Variants in EYS observed in about 807,000 individuals in gnomAD.
The protein encoded by EYS is EGF-like photoreceptor maintenance factor.
In EYS, 250 loss-of-function variants were observed where a neutral mutation model predicts 282.1. The observed-to-expected ratio is 0.89, with a 90% CI of 0.80 to 0.98. The LOEUF is 0.98. Among genes scored for constraint, EYS ranks in the 50% least tolerant of loss-of-function variants. EYS has a pLI of 0.00. For synonymous variants in EYS, 1,355 were observed against 1,282.9 expected (o/e 1.06, Z -1.20); for missense variants, 4,016 against 3,709.0 (o/e 1.08, Z -2.15).
intron 1 of EYS, among the ~76,000 whole-genome samples, chr6:65,702,774 T>G (rs1054305299): frequency 6.6e-6 from 1 of 151,814 alleles, no homozygotes; most frequent in Non-Finnish European, 1.5e-5. Context: ...CATATGTGTG[T>G]GTGTGGGTGT....
At chr6:64,480,679 C>A (rs538120903) in intron 26 of EYS, among the ~76,000 whole-genome samples, 71 of 151,810 alleles carry the variant, frequency 4.7e-4, no homozygotes, top group Non-Finnish European at 9.1e-4. Context: ...TAGCAGTAAA[C>A]GTTATAAATC....
At chr6:64,346,196 T>C (rs1219452265) in intron 29 of EYS, among the ~76,000 whole-genome samples, 2 of 152,112 alleles carry the variant, frequency 1.3e-5, no homozygotes, top group African/African-American at 4.8e-5. Flanking sequence ...GCCATCCCAT[T>C]ACTGGGTATC....
intron 29 of EYS, among the ~76,000 whole-genome samples, chr6:64,315,386 A>T (rs1769912599): frequency 1.3e-5 from 2 of 151,788 alleles, no homozygotes; most frequent in South Asian, 4.1e-4. Flanking sequence ...AAACAATGGA[A>T]AAAAAGGGAA....
intron 5 of EYS, among the ~76,000 whole-genome samples, chr6:65,463,484 CAT>C (rs2150411096): frequency 6.6e-6 from 1 of 152,208 alleles, no homozygotes; most frequent in African/African-American, 2.4e-5. Context: ...CATATATTAA[CAT>C]AAAATTATTT....
chr6:63,993,167 G>C (rs1039259814), intron 34 of EYS, among the ~76,000 whole-genome samples: 1 of 151,684 alleles, frequency 6.6e-6, no homozygotes, highest in Non-Finnish European at 1.5e-5. Context: ...AGCAAATTAG[G>C]ATTAGGAGGA....
intron 31 of EYS, among the ~76,000 whole-genome samples, chr6:64,095,096 T>C (rs575734839): frequency 8.7e-4 from 132 of 152,346 alleles, no homozygotes; most frequent in African/African-American, 2.9e-3. Flanking sequence ...AGTTCTAGTT[T>C]GATTGCACTG....
intron 31 of EYS, among the ~76,000 whole-genome samples, chr6:64,177,535 C>G (rs1400195106): frequency 6.6e-6 from 1 of 151,998 alleles, no homozygotes; most frequent in Non-Finnish European, 1.5e-5. Flanking sequence ...ATATGCATGA[C>G]ATATTTTTCT....
At chr6:65,185,439 C>T (rs750412182) in intron 12 of EYS, among the ~76,000 whole-genome samples, 1 of 151,828 alleles carries the variant, frequency 6.6e-6, no homozygotes, top group Non-Finnish European at 1.5e-5. Context: ...AGCTGAAAGA[C>T]ATTTAGAAAA....
intron 2 of EYS, among the ~76,000 whole-genome samples, chr6:65,596,525 T>C (rs1275668895): frequency 1.3e-5 from 2 of 152,086 alleles, no homozygotes; most frequent in Non-Finnish European, 2.9e-5. Flanking sequence ...GTGACCAATA[T>C]GAATCCTGAA....
chr6:65,402,074 G>A (rs898264613), intron 7 of EYS, among the ~76,000 whole-genome samples: 6 of 151,652 alleles, frequency 4.0e-5, no homozygotes, highest in Non-Finnish European at 8.8e-5. Flanking sequence ...ATCTGCTGAG[G>A]TTTGTGAAAC....
intron 13 of EYS, among the ~76,000 whole-genome samples, chr6:65,043,688 C>G (rs146561563): frequency 1.1e-4 from 17 of 151,334 alleles, no homozygotes; most frequent in Admixed American, 9.9e-4. Flanking sequence ...ATAATGTTCT[C>G]CCTATAGGTT....
At chr6:64,024,976 G>A (rs543919412) in intron 33 of EYS, among the ~76,000 whole-genome samples, 7 of 152,234 alleles carry the variant, frequency 4.6e-5, no homozygotes, top group Admixed American at 2.6e-4. Flanking sequence ...TTCGCCTATC[G>A]CCCAGTGGTA....
chr6:64,435,579 AG>A (rs1235149181), intron 28 of EYS, among the ~76,000 whole-genome samples: 4 of 151,740 alleles, frequency 2.6e-5, no homozygotes, highest in African/African-American at 9.7e-5. Flanking sequence ...GAAATAAAAA[AG>A]GTGGAGGGAG....
intron 35 of EYS, among the ~76,000 whole-genome samples, chr6:63,932,719 A>G (rs910005380): frequency 1.2e-4 from 19 of 152,264 alleles, no homozygotes; most frequent in Non-Finnish European, 4.4e-5. Flanking sequence ...CACTTCTGAT[A>G]CCAGATATGT....
chr6:64,289,669 T>A (rs1444944498), intron 30 of EYS, among the ~76,000 whole-genome samples: 1 of 152,054 alleles, frequency 6.6e-6, no homozygotes, highest in Non-Finnish European at 1.5e-5. Flanking sequence ...AGAGTGGAAC[T>A]GTTTTGTCTT....
At chr6:65,643,450 G>T (rs1767347815) in intron 1 of EYS, among the ~76,000 whole-genome samples, 1 of 152,060 alleles carries the variant, frequency 6.6e-6, no homozygotes. Context: ...TCTCTAACCA[G>T]TGTAGTTGCC....
chr6:64,798,149 T>G (rs1043390470), intron 22 of EYS, among the ~76,000 whole-genome samples: 3 of 151,942 alleles, frequency 2.0e-5, no homozygotes, highest in Admixed American at 2.0e-4. Context: ...CACCTACATA[T>G]GCCTGCATAG....
In EYS at chr6:64,175,655, T is replaced by C. The variant is rs181060771; in HGVS notation, c.6424+54937A>G. The stretch of plus-strand genomic sequence containing the variant: ...GGGCATCTCACCAGATCAGCTTCAG[T>C]GGGGAAGCCCAGGGAATAGTAGGTA... On this transcript the variant is annotated intron_variant, in intron 31 of 42. Coordinates refer to ENST00000503581, the MANE Select transcript of EYS (RefSeq NM_001142800.2). Among the ~76,000 whole-genome samples, 8 of 152,254 alleles carry C rather than the reference T, an allele frequency of 5.3e-5. No homozygotes were observed. The East Asian group carries it at 1.4e-3, about 26-fold the overall frequency.
chr6:64,985,074 T>C (rs1770809131), intron 14 of EYS, among the ~76,000 whole-genome samples: 2 of 151,518 alleles, frequency 1.3e-5, no homozygotes, highest in Non-Finnish European at 3.0e-5. Flanking sequence ...GTTTTATGAA[T>C]ATGCAGATGT....
Sources: gnomAD v4.1 joint callset for allele counts (sites outside exome capture counted in the v4.1 genomes callset) on GRCh38, gnomAD v4.1.1 for gene constraint, MANE v1.5 for transcripts, NCBI Gene and HGNC (gene_info 2026-07-23, HGNC 2026-07-21) for gene names.